Variants in SLC36A1 observed in about 807,000 individuals in gnomAD.
The protein encoded by SLC36A1 is solute carrier family 36 member 1, also known as proton-coupled amino acid transporter 1.
SLC36A1 carries 30 observed loss-of-function variants against 47.5 expected under a neutral mutation model. The observed-to-expected ratio is 0.63, with a 90% CI of 0.47 to 0.86. The LOEUF (loss-of-function observed/expected upper bound fraction) is 0.86. Ranked by LOEUF, SLC36A1 falls within the 40% of genes least tolerant of loss-of-function variation. The probability of loss-of-function intolerance (pLI) is 0.00; values close to 1 mark genes in which losing one functional copy is unlikely to be tolerated. For synonymous variants in SLC36A1, 255 were observed against 249.7 expected (o/e 1.02, Z -0.20); for missense variants, 517 against 606.0 (o/e 0.85, Z 1.54).
At chr5:151,471,147 G>A (rs1757258401) in intron 7 of SLC36A1, among the ~76,000 whole-genome samples, 1 of 152,182 alleles carries the variant, frequency 6.6e-6, no homozygotes, top group Non-Finnish European at 1.5e-5. Context: ...TTAAATGTAT[G>A]TATAGCGAAA....
At chr5:151,523,035 TCTC>T in the SLC36A1 span, among the ~76,000 whole-genome samples, 1 of 152,148 alleles carries the variant, frequency 6.6e-6, no homozygotes, top group East Asian at 1.9e-4. Context: ...CTTGCCTTCT[TCTC>T]CTCAGTGATG....
At chr5:151,444,550 A>G (rs1369933518), upstream of SLC36A1, among the ~76,000 whole-genome samples, 1 of 152,084 alleles carries the variant, frequency 6.6e-6, no homozygotes, top group Non-Finnish European at 1.5e-5. Context: ...AAGGGGCGCG[A>G]TCTCAGCTCA....
chr5:151,371,616 A>G, the SLC36A1 span, among the ~76,000 whole-genome samples: 3 of 152,232 alleles, frequency 2.0e-5, no homozygotes, highest in Admixed American at 2.0e-4. Context: ...CTAATATTCT[A>G]TCTTGTTATC....
chr5:151,453,101 G>A (rs527367009), intron 1 of SLC36A1, among the ~76,000 whole-genome samples: 2 of 151,306 alleles, frequency 1.3e-5, no homozygotes, highest in Admixed American at 6.6e-5. Context: ...CTACTCGGGA[G>A]GCTAAGACAG....
intron 2 of SLC36A1, among the ~76,000 whole-genome samples, chr5:151,461,773 A>G (rs559802840): frequency 1.6e-4 from 24 of 152,304 alleles, no homozygotes; most frequent in African/African-American, 5.8e-4. Context: ...TGCACTTAAT[A>G]ATGTCTTTGA....
chr5:151,358,095 G>A, the SLC36A1 span, among the ~76,000 whole-genome samples: 1 of 152,190 alleles, frequency 6.6e-6, no homozygotes, highest in African/African-American at 2.4e-5. Context: ...TTGGCTGCCT[G>A]TGATTGACTG....
At chr5:151,473,637 GCTTTGTTTT>G (rs773234317) in intron 7 of SLC36A1, 27 bp from the exon 8 acceptor site, 1 of 486,552 alleles carries the variant, frequency 2.1e-6, no homozygotes, top group African/African-American at 3.8e-5. Flanking sequence ...ATAGCCTTTT[GCTTTGTTTT>G]GCTTTGTTTT....
At chr5:151,475,077 T>G (rs1023076526) in intron 8 of SLC36A1, among the ~76,000 whole-genome samples, 3 of 152,214 alleles carry the variant, frequency 2.0e-5, no homozygotes, top group Non-Finnish European at 2.9e-5. Flanking sequence ...CTGTGCTCTA[T>G]CTTAGGGCTT....
chr5:151,549,309 T>C, the SLC36A1 span: 2 of 1,612,774 alleles, frequency 1.2e-6, no homozygotes, highest in Non-Finnish European at 1.7e-6. Context: ...CAGGAGGGAG[T>C]AGTGGACCTC....
chr5:151,483,526 T>TGG (rs373395419), intron 10 of SLC36A1, among the ~76,000 whole-genome samples: 2 of 140,756 alleles, frequency 1.4e-5, no homozygotes, highest in East Asian at 2.0e-4. Flanking sequence ...GTGGGGGGGG[T>TGG]GATTAGGGGA....
At chr5:151,347,052 A>G in the SLC36A1 span, among the ~76,000 whole-genome samples, 1 of 152,226 alleles carries the variant, frequency 6.6e-6, no homozygotes, top group African/African-American at 2.4e-5. Flanking sequence ...TATGTGGTCC[A>G]GGGTAATTGA....
chr5:151,468,618 T>C (rs1756922373), intron 7 of SLC36A1, among the ~76,000 whole-genome samples: 1 of 151,396 alleles, frequency 6.6e-6, no homozygotes, highest in Non-Finnish European at 1.5e-5. Context: ...TCTCTACTCA[T>C]TAGGTACCAG....
chr5:151,468,251 C>CAAAAA (rs1214176868), intron 7 of SLC36A1, among the ~76,000 whole-genome samples: 19 of 31,278 alleles, frequency 6.1e-4, no homozygotes, highest in East Asian at 2.2e-3. Flanking sequence ...GACTCTGTCT[C>CAAAAA]AAAAAAAAAA....
chr5:151,436,935 T>C (rs1759803951), upstream of SLC36A1: 1 of 152,126 alleles, frequency 6.6e-6, no homozygotes, highest in Non-Finnish European at 1.5e-5. Flanking sequence ...ACTTTTTCAG[T>C]GGCAATGGGT....
chr5:151,494,910 T>G (rs1760294709), downstream of SLC36A1, among the ~76,000 whole-genome samples: 1 of 152,208 alleles, frequency 6.6e-6, no homozygotes, highest in Non-Finnish European at 1.5e-5. Context: ...AAATATACTC[T>G]ATATTTAATT....
the SLC36A1 span, among the ~76,000 whole-genome samples, chr5:151,547,902 T>A: frequency 6.6e-6 from 1 of 152,228 alleles, no homozygotes; most frequent in Non-Finnish European, 1.5e-5. Context: ...GTGTTCTTTA[T>A]ACATTCCTGT....
chr5:151,438,401 A>C (rs993820325), intron 1 of SLC36A1, among the ~76,000 whole-genome samples: 1 of 91,890 alleles, frequency 1.1e-5, no homozygotes, highest in African/African-American at 4.5e-5. Flanking sequence ...CTAGAGATTA[A>C]AAAAAAAAAC....
chr5:151,493,012 A>ATG (rs542716230), downstream of SLC36A1, among the ~76,000 whole-genome samples: 35 of 151,708 alleles, frequency 2.3e-4, no homozygotes, highest in Middle Eastern at 3.4e-3. Context: ...GTGTTCACAT[A>ATG]TGTGTGTGTG....
At chr5:151,553,309 G>C in the SLC36A1 span, 1 of 1,614,270 alleles carries the variant, frequency 6.2e-7, no homozygotes, top group South Asian at 1.1e-5. Flanking sequence ...ATGGAGGACG[G>C]CCGGGGCCAA....
Sources: gnomAD v4.1 joint callset for allele counts (sites outside exome capture counted in the v4.1 genomes callset) on GRCh38, gnomAD v4.1.1 for gene constraint, MANE v1.5 for transcripts, NCBI Gene and HGNC (gene_info 2026-07-23, HGNC 2026-07-21) for gene names.